TCF4: variants seen among roughly 807,000 people sequenced by gnomAD.
TCF4 encodes transcription factor 4.
A neutral mutation model predicts 82.1 loss-of-function variants in TCF4; 3 were observed. That is an observed-to-expected ratio of 0.04 (90% CI 0.02 to 0.09). The LOEUF (loss-of-function observed/expected upper bound fraction) is 0.09. Among genes scored for constraint, TCF4 ranks in the 10% least tolerant of loss-of-function variants. The pLI, the probability that TCF4 is intolerant of heterozygous loss-of-function variation, is 1.00. For missense variants in TCF4, 518 were observed against 852.7 expected, an observed-to-expected ratio of 0.61 and a Z score of 4.89; for synonymous variants, 276 against 309.6, an observed-to-expected ratio of 0.89 and a Z score of 1.14.
chr18:55,453,953 C>T (rs938847583), intron 5 of TCF4, among the ~76,000 whole-genome samples: 2 of 152,044 alleles, frequency 1.3e-5, no homozygotes, highest in Non-Finnish European at 2.9e-5. Flanking sequence ...ACCTCAACCT[C>T]CCAGCCTCCA....
At chr18:55,285,768 TCATGTAAGA>T (rs1398994314) in intron 8 of TCF4, among the ~76,000 whole-genome samples, 1 of 152,162 alleles carries the variant, frequency 6.6e-6, no homozygotes, top group Non-Finnish European at 1.5e-5. Context: ...TAAGCCTAGC[TCATGTAAGA>T]CTTGCTGTTG....
chr18:55,380,130 C>T (rs962226153), intron 6 of TCF4, among the ~76,000 whole-genome samples: 6 of 152,128 alleles, frequency 3.9e-5, no homozygotes, highest in African/African-American at 1.4e-4. Flanking sequence ...GATCCTCCTA[C>T]CTCAACCTCC....
chr18:55,614,480 G>A (rs962464766), intron 2 of TCF4, among the ~76,000 whole-genome samples: 1 of 152,286 alleles, frequency 6.6e-6, no homozygotes, highest in Middle Eastern at 3.4e-3. Context: ...TAATAGGTGT[G>A]TAGTAGTGTT....
chr18:55,353,160 G>A (rs1442306655), intron 6 of TCF4, among the ~76,000 whole-genome samples: 3 of 152,110 alleles, frequency 2.0e-5, no homozygotes, highest in Non-Finnish European at 4.4e-5. Context: ...GAAATTAAAT[G>A]CATTCAAGGG....
chr18:55,303,840 A>G (rs1346577991), intron 8 of TCF4, among the ~76,000 whole-genome samples: 1 of 152,212 alleles, frequency 6.6e-6, no homozygotes, highest in Admixed American at 6.5e-5. Flanking sequence ...ACCATCACTG[A>G]TTTAAAATCA....
chr18:55,371,186 C>T (rs2089042618), intron 6 of TCF4, among the ~76,000 whole-genome samples: 1 of 152,186 alleles, frequency 6.6e-6, no homozygotes, highest in Non-Finnish European at 1.5e-5. Flanking sequence ...TTCTTAATAC[C>T]TCCTCCAGGA....
At chr18:55,310,245 G>A (rs1261046393) in intron 8 of TCF4, among the ~76,000 whole-genome samples, 1 of 152,172 alleles carries the variant, frequency 6.6e-6, no homozygotes, top group Non-Finnish European at 1.5e-5. Context: ...GGAAGGAATT[G>A]AAATTCCATT....
At chr18:55,407,823 C>T (rs2094169808) in intron 5 of TCF4, among the ~76,000 whole-genome samples, 1 of 152,020 alleles carries the variant, frequency 6.6e-6, no homozygotes. Flanking sequence ...AGCCATTTGA[C>T]TTCCAATTTT....
chr18:55,626,754 T>C (rs2097726891), intron 2 of TCF4, among the ~76,000 whole-genome samples: 2 of 152,170 alleles, frequency 1.3e-5, no homozygotes, highest in Admixed American at 1.3e-4. Context: ...ATCTGGAAAA[T>C]GAAATGTCTT....
At chr18:55,620,853 T>C (rs1019412375) in intron 2 of TCF4, among the ~76,000 whole-genome samples, 3 of 151,796 alleles carry the variant, frequency 2.0e-5, no homozygotes, top group Non-Finnish European at 2.9e-5. Flanking sequence ...GTCCATACTC[T>C]TCATCTTGGT....
intron 5 of TCF4, among the ~76,000 whole-genome samples, chr18:55,448,008 G>C (rs187686753): frequency 2.3e-5 from 3 of 130,992 alleles, no homozygotes. Flanking sequence ...GATGATATGG[G>C]GGGGGAGGTG....
intron 15 of TCF4, among the ~76,000 whole-genome samples, chr18:55,245,717 G>A (rs530950849): frequency 1.3e-5 from 2 of 152,238 alleles, no homozygotes; most frequent in East Asian, 3.9e-4. Flanking sequence ...TCTAATTGTT[G>A]AAATTCTATG....
chr18:55,348,729 T>C (rs1207933630), intron 8 of TCF4, among the ~76,000 whole-genome samples: 3 of 152,142 alleles, frequency 2.0e-5, no homozygotes, highest in African/African-American at 7.2e-5. Context: ...TCCTTAGAAA[T>C]TGTCTAGATT....
rs549272792 is a variant in TCF4, at chr18:55,403,767, C to T, written c.305-249G>A. The T allele has an allele frequency of 7.2e-6, 11 of 1,531,516 alleles. No individual in the cohort carries two copies. The East Asian group carries it at 1.2e-4, about 17-fold the overall frequency. 94.9% of individuals were successfully genotyped at this position (1,531,516 alleles called of 1,614,324 possible). A position where few individuals can be genotyped will look rare whatever the true frequency, so the allele number is the denominator to read the frequency against. ...CTTCCAAAAACTGTCATTCCAATGG[C>T]CTCCACTTTCTCTAACAAACAAATC... is the stretch of plus-strand genomic sequence containing the variant. On this transcript the variant is annotated intron_variant, in intron 5 of 19. Coordinates refer to ENST00000354452, the MANE Select transcript of TCF4 (RefSeq NM_001083962.2).
At chr18:55,543,300 T>A (rs1176047492) in intron 3 of TCF4, among the ~76,000 whole-genome samples, 1 of 152,076 alleles carries the variant, frequency 6.6e-6, no homozygotes, top group Admixed American at 6.6e-5. Flanking sequence ...GATAACATTA[T>A]CTACAAGGTT....
intron 6 of TCF4, among the ~76,000 whole-genome samples, chr18:55,360,199 C>A (rs767473222): frequency 3.9e-5 from 6 of 152,166 alleles, no homozygotes; most frequent in Non-Finnish European, 8.8e-5. Flanking sequence ...AAAATGACTT[C>A]CCTTAGTAGG....
chr18:55,352,928 T>C (rs1375963271), intron 6 of TCF4, among the ~76,000 whole-genome samples: 1 of 152,188 alleles, frequency 6.6e-6, no homozygotes, highest in East Asian at 1.9e-4. Flanking sequence ...GTTTGGTAAA[T>C]CTACGAATGA....
chr18:55,371,406 C>T (rs546939346), intron 6 of TCF4, among the ~76,000 whole-genome samples: 1 of 152,286 alleles, frequency 6.6e-6, no homozygotes, highest in East Asian at 1.9e-4. Flanking sequence ...GCCTTGGCCC[C>T]TTCATTTGTG....
chr18:55,287,691 C>T (rs2064007336), intron 8 of TCF4, among the ~76,000 whole-genome samples: 1 of 152,160 alleles, frequency 6.6e-6, no homozygotes, highest in South Asian at 2.1e-4. Flanking sequence ...TCAGCAAAGG[C>T]ACAGTAAAAA....
Sources: allele counts gnomAD v4.1 joint callset (sites outside exome capture counted in the v4.1 genomes callset), GRCh38; gene constraint gnomAD v4.1.1; transcripts MANE v1.5; gene names NCBI Gene and HGNC (gene_info 2026-07-23, HGNC 2026-07-21).